Variants in EIF3B observed in about 807,000 individuals in gnomAD.
The protein encoded by EIF3B is eukaryotic translation initiation factor 3 subunit 9.
Under a neutral mutation model 104.6 loss-of-function variants are expected in EIF3B, and 10 were observed. The ratio of observed to expected loss-of-function variants is 0.10; its 90% confidence interval spans 0.06 to 0.16. The LOEUF is 0.16. Ranked by LOEUF, EIF3B falls within the 10% of genes least tolerant of loss-of-function variation. The pLI is 1.00. For synonymous variants in EIF3B, 542 were observed against 417.2 expected, an observed-to-expected ratio of 1.30 and a Z score of -3.65; for missense variants, 1,014 against 1,087.9, an observed-to-expected ratio of 0.93 and a Z score of 0.96.
At chr7:2,364,968 A>G (rs1779926503) in intron 6 of EIF3B, among the ~76,000 whole-genome samples, 1 of 152,230 alleles carries the variant, frequency 6.6e-6, no homozygotes, top group South Asian at 2.1e-4. Flanking sequence ...TACAGATAAT[A>G]AATTGTCCTT....
intron 4 of EIF3B, among the ~76,000 whole-genome samples, 162 bp downstream of exon 4, chr7:2,363,289 A>G (rs985845752): frequency 3.3e-5 from 5 of 152,090 alleles, no homozygotes; most frequent in Admixed American, 3.3e-4. Flanking sequence ...CCCCGCCTCT[A>G]CAAAAAGTAA....
intron 14 of EIF3B, chr7:2,376,032 C>T (rs11765655): frequency 0.032 from 4,981 of 155,392 alleles, 112 homozygotes; most frequent in Non-Finnish European, 0.052. Context: ...AAACCAAACG[C>T]GGGTAATTTT....
chr7:2,364,580 G>C, intron 6 of EIF3B, 51 bp downstream of exon 6: 1 of 1,514,080 alleles, frequency 6.6e-7, no homozygotes, highest in Non-Finnish European at 9.0e-7. Flanking sequence ...CCCCATGCCA[G>C]CCTTCTACAG....
intron 6 of EIF3B, among the ~76,000 whole-genome samples, chr7:2,364,751 A>G (rs1431711185): frequency 1.3e-5 from 2 of 152,236 alleles, no homozygotes; most frequent in East Asian, 3.8e-4. Flanking sequence ...GTGAGTTGAA[A>G]TAACATGTCC....
At chr7:2,363,899 C>A (rs1252933637) in intron 5 of EIF3B, 139 bp downstream of exon 5, 6 of 975,322 alleles carry the variant, frequency 6.2e-6, no homozygotes, top group Middle Eastern at 5.4e-4. Context: ...AAAACAACTT[C>A]TTTTATTCCT....
intron 1 of EIF3B, among the ~76,000 whole-genome samples, chr7:2,360,309 G>A (rs1443386505): frequency 1.3e-5 from 2 of 152,206 alleles, no homozygotes; most frequent in African/African-American, 4.8e-5. Context: ...TTGACATTGG[G>A]ATGGGATTCT....
At chr7:2,365,084 C>T (rs575838583) in intron 6 of EIF3B, among the ~76,000 whole-genome samples, 134 of 152,218 alleles carry the variant, frequency 8.8e-4, no homozygotes, top group Non-Finnish European at 1.5e-3. Flanking sequence ...TCCTGAGTAG[C>T]GGGGACCGCA....
chr7:2,372,803 A>G lies in EIF3B; in HGVS notation c.1810+8A>G, dbSNP rs1011863552. 13 of 1,613,160 alleles carry G rather than the reference A, an allele frequency of 8.1e-6. No individual in the cohort carries two copies. Among genetic ancestry groups the G allele is most frequent in the Admixed American group, 5.0e-5 (3 of 59,932 alleles). ...GGAAGATTGAACTCATCAGTAAGTA[A>G]CCTGGTCCCTTTCCTCTTCTGAGTA... On this transcript the variant is annotated splice_region_variant and intron_variant, in intron 12 of 18. Transcript: ENST00000360876.
intron 5 of EIF3B, 49 bp downstream of exon 5, chr7:2,363,809 C>G (rs765908615): frequency 1.9e-6 from 3 of 1,574,326 alleles, no homozygotes; most frequent in Non-Finnish European, 2.6e-6. Flanking sequence ...TCCTGTATTT[C>G]CTTAACAAAG....
chr7:2,355,218 C>G lies in EIF3B; in HGVS notation c.297C>G (p.Pro99=). The G allele has an allele frequency of 3.3e-6, 5 of 1,495,996 alleles. No individual in the cohort carries two copies. The highest frequency in any genetic ancestry group is 4.4e-6 in the Non-Finnish European group (5 of 1,131,166). 92.7% of individuals were successfully genotyped at this position (1,495,996 alleles called of 1,614,324 possible). A position where few individuals can be genotyped will look rare whatever the true frequency, so the allele number is the denominator to read the frequency against. ...AEELPGSHAE[P]PVPAQGEAPG... is the part of the protein sequence containing the mutation. Reference sequence around the variant, plus strand: ...AGCTGCCCGGGTCGCATGCTGAGCCCCCTGTCCCGGCACAGGGCGAGGCCC... The same window carrying G: ...AGCTGCCCGGGTCGCATGCTGAGCCGCCTGTCCCGGCACAGGGCGAGGCCC... Residue 99 remains proline, a synonymous_variant, in exon 1 of 19, where the codon CCC becomes CCG. Transcript: ENST00000360876.
intron 1 of EIF3B, among the ~76,000 whole-genome samples, chr7:2,359,695 G>A (rs951006838): frequency 2.6e-5 from 4 of 152,240 alleles, no homozygotes; most frequent in Non-Finnish European, 5.9e-5. Context: ...GGAGGTGACA[G>A]CCCACTACTT....
At chr7:2,365,757 C>A (rs1352139832) in intron 6 of EIF3B, among the ~76,000 whole-genome samples, 2 of 150,772 alleles carry the variant, frequency 1.3e-5, no homozygotes, top group Non-Finnish European at 2.9e-5. Context: ...TTCACTGCAA[C>A]CTCCACCTCC....
rs1215562136 is a variant in EIF3B at position 2,363,127 on chromosome 7, G to T, written c.870G>T (p.Leu290=). The change falls in exon 4 of 19, where the codon CTG becomes CTT. Residue 290 remains leucine (L), a splice_region_variant and synonymous_variant. Transcript: ENST00000360876. Reference sequence around the variant, plus strand: ...CAGAGAAACAGCCTTTCAAAGACCTGGTGAGTGGCCTGAAACCTACATCTC... The same window carrying T: ...CAGAGAAACAGCCTTTCAAAGACCTTGTGAGTGGCCTGAAACCTACATCTC... ...DIPEKQPFKD[L]GNLRYWLEEA... The T allele has an allele frequency of 6.2e-7, 1 of 1,613,812 alleles. No homozygotes were observed. The highest frequency in any genetic ancestry group is 1.3e-5 in the African/African-American group (1 of 74,896).
chr7:2,354,948 G>A lies in EIF3B; in HGVS notation c.27G>A (p.Val9=). ...TGCAGGACGCGGAGAACGTGGCGGT[G>A]CCCGAGGCGGCCGAGGAGCGCGCCG... is the stretch of plus-strand genomic sequence containing the variant. MQDAENVA[V]PEAAEERAEP... is the part of the protein sequence containing the mutation. Residue 9 remains valine (V), a synonymous_variant, in exon 1 of 19, where the codon GTG becomes GTA. Coordinates refer to ENST00000360876, the MANE Select transcript of EIF3B (RefSeq NM_001037283.2). 7 of 1,226,328 alleles carry A rather than the reference G, an allele frequency of 5.7e-6. No individual in the cohort carries two copies. In the South Asian group the frequency reaches 8.8e-5, roughly 15 times the overall value. The allele number at this position is 1,226,328 out of a possible 1,614,324, so 76.0% of individuals were successfully genotyped here.
At chr7:2,362,988 A>T in intron 3 of EIF3B, 82 bp from the exon 4 acceptor site, 1 of 1,543,916 alleles carries the variant, frequency 6.5e-7, no homozygotes, top group Non-Finnish European at 8.9e-7. Flanking sequence ...GCAGGAGCAC[A>T]GCAGGGCCAT....
At chr7:2,372,880 G>C in intron 12 of EIF3B, 85 bp downstream of exon 12, 1 of 1,479,688 alleles carries the variant, frequency 6.8e-7, no homozygotes, top group African/African-American at 1.4e-5. Flanking sequence ...CATTTGACTG[G>C]CCTAGGACCA....
At chr7:2,367,309 C>T (rs1207953841) in intron 9 of EIF3B, among the ~76,000 whole-genome samples, 7 of 152,042 alleles carry the variant, frequency 4.6e-5, no homozygotes, top group Non-Finnish European at 1.0e-4. Context: ...AGTCTCTCAT[C>T]TCATTCCCAA....
intron 1 of EIF3B, 124 bp from the exon 2 acceptor site, chr7:2,360,586 T>C (rs2115285759): frequency 1.3e-6 from 1 of 753,538 alleles, no homozygotes; most frequent in African/African-American, 1.8e-5. Context: ...GGATTTCTTT[T>C]GCTCACAGTG....
At position 2,355,999 on chromosome 7, in the gene EIF3B, C is replaced by T. The variant is rs149169620; in HGVS notation, c.499+579C>T. Among the ~76,000 whole-genome samples the T allele has an allele frequency of 4.9e-3, 748 of 152,282 alleles. 4 individuals are homozygous for T. Among genetic ancestry groups the T allele is most frequent in the Admixed American group, 7.6e-3 (116 of 15,286 alleles). On this transcript the variant is annotated intron_variant, in intron 1 of 18. Transcript: ENST00000360876. Reference sequence around the variant, plus strand: ...TAAATCTATAAAGAGAGTTATTTTTCCAGGTTTTAATATTGCCGATAACAG... The same window carrying T: ...TAAATCTATAAAGAGAGTTATTTTTTCAGGTTTTAATATTGCCGATAACAG...
Sources: gnomAD v4.1 joint callset for allele counts (sites outside exome capture counted in the v4.1 genomes callset) on GRCh38, gnomAD v4.1.1 for gene constraint, MANE v1.5 for transcripts, NCBI Gene and HGNC (gene_info 2026-07-23, HGNC 2026-07-21) for gene names.